The following KIFAP3 variants were observed in gnomAD, a reference collection of about 807,000 sequenced individuals.
KIFAP3 encodes the protein kinesin-associated protein 3.
KIFAP3 carries 68 observed loss-of-function variants against 106.5 expected under a neutral mutation model. That is an observed-to-expected ratio of 0.64 (90% CI 0.53 to 0.78). KIFAP3 has a LOEUF of 0.78. KIFAP3 is among the 30% of genes least tolerant of loss of function. The probability of loss-of-function intolerance (pLI) is 0.00; values close to 1 mark genes in which losing one functional copy is unlikely to be tolerated. For missense variants in KIFAP3, 780 were observed against 941.8 expected, an observed-to-expected ratio of 0.83 and a Z score of 2.25; for synonymous variants, 320 against 311.5, an observed-to-expected ratio of 1.03 and a Z score of -0.29.
Position 169,983,327 on chromosome 1 carries a change from C to T in KIFAP3, c.1449G>A (p.Leu483=), listed in dbSNP as rs766747905. The change falls in exon 13 of 20, where the codon CTG becomes CTA. Residue 483 remains leucine (L), a synonymous_variant. Coordinates refer to ENST00000361580, the MANE Select transcript of KIFAP3 (RefSeq NM_014970.4). ...KRALKFKDPL[L]MKMIRNISQH... ...GAGAAATGTTTCTAATCATTTTCAT[C>T]AGCAATGGATCCTTAAACTTCAGAG... 1 of 1,609,594 alleles carries T rather than the reference C, an allele frequency of 6.2e-7. No homozygotes were observed. Among genetic ancestry groups the T allele is most frequent in the Admixed American group, 1.7e-5 (1 of 59,496 alleles).
upstream of KIFAP3, among the ~76,000 whole-genome samples, chr1:170,077,877 T>C (rs962043288): frequency 6.7e-6 from 1 of 149,326 alleles, no homozygotes; most frequent in African/African-American, 2.6e-5. Context: ...ATTTTGTTTT[T>C]CGGTCCTGTT....
chr1:169,927,187 G>T (rs1244391939), intron 19 of KIFAP3, among the ~76,000 whole-genome samples: 1 of 152,124 alleles, frequency 6.6e-6, no homozygotes. Flanking sequence ...TATCCAAATA[G>T]TAGAAACATT....
chr1:170,076,502 T>TA (rs535274845), upstream of KIFAP3, among the ~76,000 whole-genome samples: 8 of 151,096 alleles, frequency 5.3e-5, no homozygotes, highest in East Asian at 1.9e-4. Context: ...ATTAAATAAA[T>TA]AAAAAAAAGA....
chr1:169,947,841 T>C (rs958566947), intron 19 of KIFAP3, among the ~76,000 whole-genome samples: 14 of 151,702 alleles, frequency 9.2e-5, no homozygotes, highest in South Asian at 2.1e-4. Flanking sequence ...CTGTGGTAAA[T>C]CATTTAAAAA....
chr1:170,042,286 A>C (rs897936501), intron 3 of KIFAP3, among the ~76,000 whole-genome samples: 6 of 152,306 alleles, frequency 3.9e-5, no homozygotes, highest in Middle Eastern at 3.4e-3. Context: ...TTTCTTTCAT[A>C]ATCAGCAAGC....
intron 2 of KIFAP3, among the ~76,000 whole-genome samples, chr1:170,052,097 GATT>G (rs1212012349): frequency 1.3e-5 from 2 of 151,880 alleles, no homozygotes; most frequent in African/African-American, 4.8e-5. Flanking sequence ...CTGCTAGCTA[GATT>G]AATAAAGAAG....
At chr1:169,935,575 AAG>A (rs2101796723) in intron 19 of KIFAP3, among the ~76,000 whole-genome samples, 1 of 152,138 alleles carries the variant, frequency 6.6e-6, no homozygotes, top group South Asian at 2.1e-4. Flanking sequence ...TGTTCATAAA[AAG>A]AGAACATATT....
chr1:170,024,183 C>G (rs1415608524), intron 9 of KIFAP3: 9 of 305,496 alleles, frequency 2.9e-5, no homozygotes, highest in African/African-American at 8.6e-5. Flanking sequence ...TTTAATATGG[C>G]AAGATCCATT....
At chr1:169,925,584 A>G (rs1434868684) in intron 19 of KIFAP3, among the ~76,000 whole-genome samples, 1 of 151,998 alleles carries the variant, frequency 6.6e-6, no homozygotes, top group Non-Finnish European at 1.5e-5. Flanking sequence ...CTTCAAACAC[A>G]TTTGTAATAG....
chr1:169,954,201 TTAATC>T, intron 18 of KIFAP3, 91 bp from the exon 19 acceptor site: 1 of 769,162 alleles, frequency 1.3e-6, no homozygotes. Flanking sequence ...ACTTGTATAT[TTAATC>T]TATAAAGAAA....
chr1:169,932,914 T>C (rs182705807), intron 19 of KIFAP3, among the ~76,000 whole-genome samples: 1 of 152,086 alleles, frequency 6.6e-6, no homozygotes, highest in African/African-American at 2.4e-5. Flanking sequence ...TACTTATTCA[T>C]TTGTGTCAAT....
In KIFAP3 at chr1:169,954,076, G is replaced by A. The variant is rs750509504; in HGVS notation, c.2208C>T (p.Pro736=). The A allele has an allele frequency of 9.3e-6, 15 of 1,612,804 alleles. 1 individual carries two copies. Among genetic ancestry groups the A allele is most frequent in the African/African-American group, 8.0e-5 (6 of 74,822 alleles). The change falls in exon 19 of 20, where the codon CCC becomes CCT. Residue 736 remains proline (P), a synonymous_variant. Transcript: ENST00000361580. ...GAAGGTGGTAATCATTGAAGAAATC[G>A]GGACTTATGGCTCCTTCAGAGGCAA... The part of the protein sequence containing the change: ...GLIASEGAIS[P]DFFNDYHLQN...
At chr1:170,051,174 G>C (rs540699586) in intron 2 of KIFAP3, among the ~76,000 whole-genome samples, 4 of 145,470 alleles carry the variant, frequency 2.7e-5, no homozygotes, top group African/African-American at 1.0e-4. Context: ...AAAAAAAAAA[G>C]CAGGGATTGC....
chr1:169,992,295 T>C (rs1287233954), intron 10 of KIFAP3, 40 bp from the exon 11 acceptor site: 2 of 1,035,320 alleles, frequency 1.9e-6, no homozygotes, highest in South Asian at 1.6e-5. Flanking sequence ...TATAAATATA[T>C]ATTTTTTATA....
intron 19 of KIFAP3, among the ~76,000 whole-genome samples, chr1:169,952,395 T>A (rs1664772356): frequency 6.6e-6 from 1 of 151,770 alleles, no homozygotes; most frequent in Admixed American, 6.6e-5. Context: ...ACAGGTAGAG[T>A]ACCATTTTAA....
chr1:169,982,121 G>A (rs761352070), intron 14 of KIFAP3, 24 bp from the exon 15 acceptor site: 49 of 1,608,598 alleles, frequency 3.0e-5, no homozygotes, highest in South Asian at 2.2e-4. Context: ...ACCATAGAAA[G>A]TTTTCACTGA....
chr1:169,982,690 C>G lies in KIFAP3; in HGVS notation c.1672+12G>C, dbSNP rs1437065847. 2 of 1,524,556 alleles carry G rather than the reference C, an allele frequency of 1.3e-6. No individual in the cohort carries two copies. Among genetic ancestry groups the G allele is most frequent in the Non-Finnish European group, 1.8e-6 (2 of 1,125,652 alleles). 94.4% of individuals were successfully genotyped at this position (1,524,556 alleles called of 1,614,324 possible). On this transcript the variant is annotated intron_variant, in intron 14 of 19. Coordinates refer to ENST00000361580, the MANE Select transcript of KIFAP3 (RefSeq NM_014970.4). ...TTAGTGATTATACAAAAGTGAAATACTTAGCACAAACCTGGTTTTAGTTTA... is the reference window on the plus strand; with the variant it reads ...TTAGTGATTATACAAAAGTGAAATAGTTAGCACAAACCTGGTTTTAGTTTA...
intron 2 of KIFAP3, among the ~76,000 whole-genome samples, chr1:170,048,064 T>A (rs950276905): frequency 2.0e-5 from 3 of 152,184 alleles, no homozygotes; most frequent in Non-Finnish European, 4.4e-5. Context: ...CAGAGCAATG[T>A]CCTGTAAGCT....
intron 9 of KIFAP3, among the ~76,000 whole-genome samples, chr1:170,017,470 T>C (rs759572580): frequency 2.0e-5 from 3 of 151,602 alleles, no homozygotes; most frequent in Non-Finnish European, 2.9e-5. Flanking sequence ...CAATACAAGT[T>C]GAGGAAAAAG....
Sources: gnomAD v4.1 joint callset for allele counts (sites outside exome capture counted in the v4.1 genomes callset) on GRCh38, gnomAD v4.1.1 for gene constraint, MANE v1.5 for transcripts, NCBI Gene and HGNC (gene_info 2026-07-23, HGNC 2026-07-21) for gene names.